GFOD1: variants seen among roughly 807,000 people sequenced by gnomAD.
GFOD1 encodes the protein glucose-fructose oxidoreductase domain-containing protein 1.
In GFOD1, 9 loss-of-function variants were observed where a neutral mutation model predicts 25.4. That is an observed-to-expected ratio of 0.35 (90% confidence interval 0.21 to 0.62). GFOD1 has a LOEUF of 0.62. Among genes scored for constraint, GFOD1 ranks in the 20% least tolerant of loss-of-function variants. GFOD1 has a pLI of 0.72. For missense variants in GFOD1, 403 were observed against 556.9 expected, an observed-to-expected ratio of 0.72 and a Z score of 2.78; for synonymous variants, 253 against 245.6, an observed-to-expected ratio of 1.03 and a Z score of -0.28.
intron 1 of GFOD1, among the ~76,000 whole-genome samples, chr6:13,411,229 C>T (rs1047678976): frequency 7.9e-5 from 12 of 152,200 alleles, no homozygotes; most frequent in Non-Finnish European, 1.5e-4. Flanking sequence ...GAATCCAACC[C>T]GTGGCTCCAG....
intron 1 of GFOD1, among the ~76,000 whole-genome samples, chr6:13,427,126 C>A (rs1012216362): frequency 6.6e-6 from 1 of 152,222 alleles, no homozygotes; most frequent in Non-Finnish European, 1.5e-5. Context: ...GATCACAATG[C>A]ACCTTTTTCA....
chr6:13,486,835 G>C lies in GFOD1; in HGVS notation c.56C>G (p.Pro19Arg), dbSNP rs1306064419. Residue 19 changes from proline (P) to arginine (R), a missense_variant, in exon 1 of 2, where the codon CCG (proline) becomes CGG (arginine). Physicochemically the swap from Pro to Arg is moderately radical, Grantham distance 103. Coordinates refer to ENST00000379287, the MANE Select transcript of GFOD1 (RefSeq NM_018988.4). ...CGCGAAGCCCTCGTCTTTCAGCAGC[G>C]GGATGATGACACGGGCCGTGAGGCT... is the stretch of plus-strand genomic sequence containing the variant. ...GTSLTARVII[P>R]LLKDEGFAVK... is the part of the protein sequence containing the mutation. 6.2e-7 allele frequency: 1 copy of C among 1,613,546 alleles called. No homozygotes were observed.
chr6:13,434,595 G>T (rs113948583), intron 1 of GFOD1, among the ~76,000 whole-genome samples: 1 of 152,178 alleles, frequency 6.6e-6, no homozygotes, highest in Non-Finnish European at 1.5e-5. Flanking sequence ...GAAGTCAAGT[G>T]CAGGGCATTA....
At chr6:13,371,494 C>A (rs567311153) in intron 1 of GFOD1, among the ~76,000 whole-genome samples, 3 of 152,236 alleles carry the variant, frequency 2.0e-5, no homozygotes, top group Non-Finnish European at 2.9e-5. Flanking sequence ...GCAAAAAGAT[C>A]AAAAACTTTG....
intron 1 of GFOD1, among the ~76,000 whole-genome samples, chr6:13,413,756 C>T (rs1323667692): frequency 2.0e-5 from 3 of 152,188 alleles, no homozygotes; most frequent in Non-Finnish European, 4.4e-5. Context: ...TGCAAAGCAG[C>T]CCACAGCAAA....
chr6:13,387,306 C>T (rs1785495204), intron 1 of GFOD1, among the ~76,000 whole-genome samples: 1 of 152,068 alleles, frequency 6.6e-6, no homozygotes, highest in African/African-American at 2.4e-5. Context: ...CAGGCAGAGA[C>T]ACAACAAAAA....
intron 1 of GFOD1, chr6:13,469,882 C>G (rs1758453337): frequency 7.9e-7 from 1 of 1,261,908 alleles, no homozygotes; most frequent in African/African-American, 1.5e-5. Flanking sequence ...ATGTCTCACA[C>G]CAAATCTGGC....
chr6:13,408,111 A>G (rs1033399310), intron 1 of GFOD1: 2 of 985,078 alleles, frequency 2.0e-6, no homozygotes, highest in Admixed American at 6.1e-5. Flanking sequence ...GGTAGCATCT[A>G]TCCTCCACAT....
chr6:13,463,701 C>A (rs576103844), intron 1 of GFOD1, among the ~76,000 whole-genome samples: 1 of 152,278 alleles, frequency 6.6e-6, no homozygotes, highest in South Asian at 2.1e-4. Context: ...GGGTAAGCAT[C>A]ATGTCATAAA....
Position 13,486,621 on chromosome 6 carries a change from G to T in GFOD1, c.253+17C>A. 1 of 1,611,710 alleles carries T rather than the reference G, an allele frequency of 6.2e-7. No individual in the cohort carries two copies. Among genetic ancestry groups the T allele is most frequent in the South Asian group, 1.1e-5 (1 of 90,988 alleles). ...GGGCGGGGGTGGGACGGAGGATGCG[G>T]GGTAGGGGTCGCTCACCTAGGGTTT... On this transcript the variant is annotated intron_variant, in intron 1 of 1. Coordinates refer to ENST00000379287, the MANE Select transcript of GFOD1 (RefSeq NM_018988.4).
rs1784979196 is a variant in GFOD1 at position 13,363,481 on chromosome 6, G to A, written c.*1262C>T. 3 of 139,498 alleles carry A rather than the reference G, an allele frequency of 2.2e-5. No individual in the cohort carries two copies. Among genetic ancestry groups the A allele is most frequent in the Admixed American group, 1.5e-4 (2 of 13,642 alleles). 8.6% of individuals were successfully genotyped at this position (139,498 alleles called of 1,614,324 possible). The stretch of plus-strand genomic sequence containing the variant: ...ATGTTCCTTGTTGTCCTTTTGTTTT[G>A]TTTCGTTTAGTACCTACCCCCAAAT... On this transcript the variant is annotated 3_prime_UTR_variant, in exon 2 of 2. Coordinates refer to ENST00000379287, the MANE Select transcript of GFOD1 (RefSeq NM_018988.4).
intron 1 of GFOD1, among the ~76,000 whole-genome samples, chr6:13,415,511 A>C (rs1786149137): frequency 6.6e-6 from 1 of 152,138 alleles, no homozygotes; most frequent in African/African-American, 2.4e-5. Flanking sequence ...CACGGTCCAG[A>C]CCTGGGGGTG....
intron 1 of GFOD1, among the ~76,000 whole-genome samples, chr6:13,417,706 C>G (rs989543469): frequency 1.3e-5 from 2 of 152,204 alleles, no homozygotes; most frequent in African/African-American, 4.8e-5. Context: ...AGTCACAGAG[C>G]CTTGAGCCCA....
chr6:13,382,761 A>G (rs200354709), intron 1 of GFOD1, among the ~76,000 whole-genome samples: 1 of 152,194 alleles, frequency 6.6e-6, no homozygotes, highest in Non-Finnish European at 1.5e-5. Flanking sequence ...CTATCAACTC[A>G]TCGCCTAGGT....
At chr6:13,428,896 C>T (rs529135604) in intron 1 of GFOD1, among the ~76,000 whole-genome samples, 2 of 152,200 alleles carry the variant, frequency 1.3e-5, no homozygotes, top group Non-Finnish European at 2.9e-5. Flanking sequence ...TATAGCTTCC[C>T]GCCTGCTTTT....
intron 1 of GFOD1, among the ~76,000 whole-genome samples, chr6:13,460,541 C>T (rs1209359868): frequency 6.6e-6 from 1 of 152,174 alleles, no homozygotes; most frequent in Non-Finnish European, 1.5e-5. Context: ...AGCCATCATT[C>T]TCAGCAAACT....
At position 13,361,018 on chromosome 6, in the gene GFOD1, C is replaced by A; in HGVS notation, c.*3725G>T. 1 of 374,284 alleles carries A rather than the reference C, an allele frequency of 2.7e-6. No individual in the cohort carries two copies. The highest frequency in any genetic ancestry group is 5.3e-6 in the Non-Finnish European group (1 of 188,360). 23.2% of individuals were successfully genotyped at this position (374,284 alleles called of 1,614,324 possible). On this transcript the variant is annotated 3_prime_UTR_variant, in exon 2 of 2. Transcript: ENST00000379287. Reference sequence around the variant, plus strand: ...CATGTGTATAAAAGAAATAGCAATACCCAACACTATAGGGTTGTTTTTATG... The same window carrying A: ...CATGTGTATAAAAGAAATAGCAATAACCAACACTATAGGGTTGTTTTTATG...
intron 1 of GFOD1, among the ~76,000 whole-genome samples, chr6:13,445,893 T>TGTAG (rs1757994851): frequency 6.6e-6 from 1 of 152,100 alleles, no homozygotes; most frequent in Non-Finnish European, 1.5e-5. Context: ...GACGCCACAA[T>TGTAG]GTAGGTCTGA....
intron 1 of GFOD1, among the ~76,000 whole-genome samples, chr6:13,381,401 C>T (rs927653785): frequency 6.6e-6 from 1 of 152,158 alleles, no homozygotes; most frequent in South Asian, 2.1e-4. Flanking sequence ...TTCTCTTCCA[C>T]CTAATACAGT....
Sources: allele counts gnomAD v4.1 joint callset (sites outside exome capture counted in the v4.1 genomes callset), GRCh38; gene constraint gnomAD v4.1.1; transcripts MANE v1.5; gene names NCBI Gene and HGNC (gene_info 2026-07-23, HGNC 2026-07-21).